The following SAMMSON variants were observed in gnomAD, a reference collection of about 807,000 sequenced individuals.
SAMMSON encodes long intergenic non-protein coding RNA 1212.
intron 3 of SAMMSON, among the ~76,000 whole-genome samples, chr3:70,036,759 A>C (rs866617684): frequency 3.2e-4 from 49 of 152,116 alleles, no homozygotes; most frequent in African/African-American, 1.1e-3. Flanking sequence ...AGCACCAGGA[A>C]CCAGGATTAC....
intron 7 of SAMMSON, among the ~76,000 whole-genome samples, chr3:70,315,656 G>A (rs927612002): frequency 6.6e-6 from 1 of 152,116 alleles, no homozygotes; most frequent in South Asian, 2.1e-4. Context: ...TGTCATCTGG[G>A]TAATGGAGTC....
intron 4 of SAMMSON, among the ~76,000 whole-genome samples, chr3:70,131,739 C>T (rs1262584374): frequency 2.6e-5 from 4 of 152,062 alleles, no homozygotes; most frequent in Non-Finnish European, 2.9e-5. Context: ...CCCCACCACA[C>T]CCAGCTAGTT....
At chr3:70,083,347 G>A (rs9867634) in intron 4 of SAMMSON, among the ~76,000 whole-genome samples, 344 of 152,278 alleles carry the variant, frequency 2.3e-3, no homozygotes, top group African/African-American at 8.0e-3. Context: ...TATAGCAACT[G>A]CTTTGGGTCA....
At chr3:70,078,427 A>G (rs543280313) in intron 4 of SAMMSON, among the ~76,000 whole-genome samples, 3 of 152,094 alleles carry the variant, frequency 2.0e-5, no homozygotes, top group East Asian at 3.9e-4. Context: ...TGGAGTGGCA[A>G]TGTGGTGGCC....
intron 3 of SAMMSON, among the ~76,000 whole-genome samples, chr3:70,041,494 G>A (rs2067106150): frequency 6.6e-6 from 1 of 151,986 alleles, no homozygotes; most frequent in African/African-American, 2.4e-5. Flanking sequence ...TCTAAAACAT[G>A]GTGATAATAG....
intron 7 of SAMMSON, among the ~76,000 whole-genome samples, chr3:70,346,027 G>A (rs1702747717): frequency 6.6e-6 from 1 of 152,154 alleles, no homozygotes; most frequent in South Asian, 2.1e-4. Context: ...ATAGGACAAG[G>A]CTTTGTTTAG....
At chr3:70,262,456 C>T (rs898162933) in intron 6 of SAMMSON, among the ~76,000 whole-genome samples, 2 of 152,038 alleles carry the variant, frequency 1.3e-5, no homozygotes, top group African/African-American at 4.8e-5. Context: ...TGAAATAAGA[C>T]CAGTTATAGT....
chr3:70,178,597 G>A (rs576689420), intron 4 of SAMMSON, among the ~76,000 whole-genome samples: 1 of 152,276 alleles, frequency 6.6e-6, no homozygotes, highest in South Asian at 2.1e-4. Context: ...TTTGCTGGGA[G>A]TTTCCAGTCC....
At chr3:70,367,299 A>C in intron 9 of SAMMSON, among the ~76,000 whole-genome samples, 1 of 151,530 alleles carries the variant, frequency 6.6e-6, no homozygotes, top group Non-Finnish European at 1.5e-5. Context: ...CCCATTAATC[A>C]ATCTTTTTTT....
At chr3:70,226,994 C>T (rs577238851) in intron 4 of SAMMSON, among the ~76,000 whole-genome samples, 29 of 152,194 alleles carry the variant, frequency 1.9e-4, no homozygotes, top group African/African-American at 7.0e-4. Context: ...TCTTGATTGA[C>T]AGGGGATGGA....
chr3:70,015,677 T>TGCAGCACA (rs1234899390), intron 3 of SAMMSON, among the ~76,000 whole-genome samples: 1 of 142,074 alleles, frequency 7.0e-6, no homozygotes, highest in African/African-American at 3.1e-5. Context: ...AACTCGTCAT[T>TGCAGCACA]TACTTTAGGT....
chr3:70,339,984 G>A (rs1309490178), intron 7 of SAMMSON, among the ~76,000 whole-genome samples: 1 of 152,078 alleles, frequency 6.6e-6, no homozygotes, highest in Non-Finnish European at 1.5e-5. Flanking sequence ...ATTCACAATA[G>A]CAAAGACTTG....
intron 4 of SAMMSON, among the ~76,000 whole-genome samples, chr3:70,233,820 C>T (rs1232674597): frequency 6.6e-6 from 1 of 152,154 alleles, no homozygotes; most frequent in African/African-American, 2.4e-5. Flanking sequence ...CATATCTAAA[C>T]AATTTTTTTT....
intron 7 of SAMMSON, among the ~76,000 whole-genome samples, chr3:70,308,642 A>T (rs1702425633): frequency 6.6e-6 from 1 of 152,140 alleles, no homozygotes. Flanking sequence ...TGAATGAATA[A>T]TAAGGTCCTT....
downstream of SAMMSON, among the ~76,000 whole-genome samples, chr3:70,394,222 G>A (rs964008895): frequency 2.0e-5 from 3 of 152,162 alleles, no homozygotes; most frequent in African/African-American, 7.2e-5. Context: ...ATTGATTATC[G>A]TGTGAGAGAA....
intron 4 of SAMMSON, among the ~76,000 whole-genome samples, chr3:70,207,619 A>C (rs2106725411): frequency 6.6e-6 from 1 of 151,820 alleles, no homozygotes; most frequent in Admixed American, 6.6e-5. Context: ...CAGATTGAAA[A>C]TATTCAGAAA....
chr3:70,304,745 G>T (rs1251548941), intron 7 of SAMMSON, among the ~76,000 whole-genome samples: 3 of 152,064 alleles, frequency 2.0e-5, no homozygotes, highest in African/African-American at 7.2e-5. Context: ...TTTACCTCAT[G>T]CAATATAAAT....
At chr3:70,220,076 A>G (rs1175531000) in intron 4 of SAMMSON, among the ~76,000 whole-genome samples, 1 of 152,190 alleles carries the variant, frequency 6.6e-6, no homozygotes. Flanking sequence ...AACTAGATCA[A>G]ATGAGAAATA....
chr3:70,072,546 G>T (rs9837453), intron 4 of SAMMSON: 61,627 of 148,654 alleles, frequency 0.41, 13,283 homozygotes, highest in East Asian at 0.65. Flanking sequence ...ACCACGGAGA[G>T]AAGAGGGGAT....
Sources: gnomAD v4.1 joint callset for allele counts (sites outside exome capture counted in the v4.1 genomes callset) on GRCh38, gnomAD v4.1.1 for gene constraint, MANE v1.5 for transcripts, NCBI Gene and HGNC (gene_info 2026-07-23, HGNC 2026-07-21) for gene names.